The following LRRC4C variants were observed in gnomAD, a reference collection of about 807,000 sequenced individuals.
LRRC4C encodes leucine rich repeat containing 4C.
A neutral mutation model predicts 33.6 loss-of-function variants in LRRC4C; 5 were observed. The observed-to-expected ratio is 0.15, with a 90% CI of 0.08 to 0.31. The LOEUF (loss-of-function observed/expected upper bound fraction) is 0.31, where lower values mean the gene tolerates loss of function less well. Among genes scored for constraint, LRRC4C ranks in the 10% least tolerant of loss-of-function variants. The pLI, the probability that LRRC4C is intolerant of heterozygous loss-of-function variation, is 1.00. For missense variants in LRRC4C, 560 were observed against 796.7 expected (o/e 0.70, Z 3.58); for synonymous variants, 329 against 302.0 (o/e 1.09, Z -0.93).
chr11:40,826,763 T>C (rs1952186210), intron 2 of LRRC4C, among the ~76,000 whole-genome samples: 1 of 151,970 alleles, frequency 6.6e-6, no homozygotes, highest in African/African-American at 2.4e-5. Context: ...TCTCAGATAC[T>C]GTAAGGGACT....
At chr11:40,429,969 T>A (rs1590708629) in intron 3 of LRRC4C, among the ~76,000 whole-genome samples, 1 of 152,028 alleles carries the variant, frequency 6.6e-6, no homozygotes, top group Non-Finnish European at 1.5e-5. Context: ...CAAAGCGCAG[T>A]TATTATTCCA....
chr11:40,821,475 T>G (rs1457508114), intron 2 of LRRC4C, among the ~76,000 whole-genome samples: 1 of 151,546 alleles, frequency 6.6e-6, no homozygotes, highest in Non-Finnish European at 1.5e-5. Flanking sequence ...ATTTGAGATT[T>G]GAAAAGTAAA....
chr11:40,239,416 T>C lies in LRRC4C; in HGVS notation c.-96+2103A>G, dbSNP rs535275648. ...TGTTTGTTAAATTGAACTTAAAATA[T>C]GAAAAGAGGGGGAAATCTCACATGG... is the stretch of plus-strand genomic sequence containing the variant. On this transcript the variant is annotated intron_variant, in intron 5 of 6. Transcript: ENST00000528697. 2.7e-3 allele frequency among the ~76,000 whole-genome samples: 418 copies of C among 152,272 alleles called. 4 individuals are homozygous for C. Among genetic ancestry groups the C allele is most frequent in the Non-Finnish European group, 4.1e-3 (277 of 68,020 alleles).
At chr11:41,458,517 G>A (rs1956239244) in intron 1 of LRRC4C, among the ~76,000 whole-genome samples, 1 of 141,624 alleles carries the variant, frequency 7.1e-6, no homozygotes, top group Admixed American at 7.3e-5. Flanking sequence ...AATATTGTCT[G>A]CGTTTCACTT....
intron 3 of LRRC4C, among the ~76,000 whole-genome samples, chr11:40,644,931 A>C (rs1591359530): frequency 6.7e-6 from 1 of 148,798 alleles, no homozygotes; most frequent in Non-Finnish European, 1.5e-5. Context: ...GGGAACAGGC[A>C]CTCGGGATCT....
chr11:40,287,364 T>A (rs950953586), intron 4 of LRRC4C, among the ~76,000 whole-genome samples: 2 of 151,968 alleles, frequency 1.3e-5, no homozygotes, highest in African/African-American at 4.8e-5. Flanking sequence ...GCTTCTGGTA[T>A]ATATGTGCGT....
At position 41,436,893 on chromosome 11, in the gene LRRC4C, C is replaced by A. The variant is rs189888133; in HGVS notation, c.-496+22538G>T. 4.1e-3 allele frequency among the ~76,000 whole-genome samples: 623 copies of A among 152,202 alleles called. 2 individuals are homozygous for A. Among genetic ancestry groups the A allele is most frequent in the Admixed American group, 7.2e-3 (110 of 15,290 alleles). ...CCTACATTTAAGAAGGGGAAAGAAA[C>A]AATCACCAATATTTTTCCTACAATG... On this transcript the variant is annotated intron_variant, in intron 1 of 6. Coordinates refer to ENST00000528697, the MANE Select transcript of LRRC4C (RefSeq NM_001258419.2).
rs143765721 is a variant in LRRC4C, at chr11:40,170,850, A to G, written c.-95-29997T>C. Among the ~76,000 whole-genome samples the G allele has an allele frequency of 1.7e-4, 26 of 152,366 alleles. 1 individual carries two copies. In the East Asian group the frequency reaches 5.0e-3, roughly 29 times the overall value. ...CTTTACAATGCATTAGATCTAATCC[A>G]AAGAGAATGCCTGTGATTACAAACT... is the stretch of plus-strand genomic sequence containing the variant. On this transcript the variant is annotated intron_variant, in intron 5 of 6. Transcript: ENST00000528697.
intron 5 of LRRC4C, among the ~76,000 whole-genome samples, chr11:40,158,411 GA>G (rs1276744381): frequency 1.3e-5 from 2 of 151,838 alleles, no homozygotes; most frequent in Non-Finnish European, 2.9e-5. Flanking sequence ...ATAACTTAAG[GA>G]AAAAATTTTA....
At chr11:41,058,016 C>T (rs148492009) in intron 1 of LRRC4C, among the ~76,000 whole-genome samples, 2 of 152,316 alleles carry the variant, frequency 1.3e-5, no homozygotes, top group Admixed American at 1.3e-4. Flanking sequence ...TACTTGTCTG[C>T]GTACCTCATT....
intron 2 of LRRC4C, among the ~76,000 whole-genome samples, chr11:40,920,223 A>G (rs918001147): frequency 2.6e-5 from 4 of 152,188 alleles, no homozygotes; most frequent in African/African-American, 9.7e-5. Flanking sequence ...CTTATCAAAA[A>G]TAAAGACACC....
chr11:40,422,809 G>A (rs35320619), intron 3 of LRRC4C, among the ~76,000 whole-genome samples: 2 of 152,112 alleles, frequency 1.3e-5, no homozygotes, highest in African/African-American at 4.8e-5. Flanking sequence ...TTACACTTTG[G>A]AAAGTGATGA....
intron 1 of LRRC4C, among the ~76,000 whole-genome samples, chr11:41,108,605 T>A (rs957269445): frequency 1.3e-5 from 2 of 152,140 alleles, no homozygotes; most frequent in African/African-American, 4.8e-5. Context: ...TTCCATTAAT[T>A]TGTATATTGT....
intron 3 of LRRC4C, among the ~76,000 whole-genome samples, chr11:40,343,456 C>T (rs910869105): frequency 5.9e-5 from 9 of 151,832 alleles, no homozygotes; most frequent in Non-Finnish European, 1.2e-4. Flanking sequence ...TATTCAGTCA[C>T]CCATGTTATA....
chr11:40,930,682 A>T (rs893484340), intron 2 of LRRC4C, among the ~76,000 whole-genome samples: 1 of 152,170 alleles, frequency 6.6e-6, no homozygotes, highest in Non-Finnish European at 1.5e-5. Context: ...GATTTTTAAA[A>T]TATCACTACT....
rs1440453729 is a variant in LRRC4C at position 40,978,373 on chromosome 11, G to A, written c.-495-44650C>T. Among the ~76,000 whole-genome samples, 8 of 152,072 alleles carry A rather than the reference G, an allele frequency of 5.3e-5. No homozygotes were observed. In the South Asian group the frequency reaches 1.0e-3, roughly 20 times the overall value. Reference sequence around the variant, plus strand: ...GATTCATTCTTGACCCTACTCTCTGGTTCTTAACTGGAAGGAAATTTTACA... The same window carrying A: ...GATTCATTCTTGACCCTACTCTCTGATTCTTAACTGGAAGGAAATTTTACA... On this transcript the variant is annotated intron_variant, in intron 1 of 6. Transcript: ENST00000528697.
chr11:40,261,416 G>A (rs1413844474), intron 4 of LRRC4C, among the ~76,000 whole-genome samples: 3 of 152,114 alleles, frequency 2.0e-5, no homozygotes, highest in Admixed American at 6.6e-5. Flanking sequence ...CATTTGTTAA[G>A]GCCGATATAT....
chr11:40,848,280 C>T (rs980273895), intron 2 of LRRC4C, among the ~76,000 whole-genome samples: 4 of 152,124 alleles, frequency 2.6e-5, no homozygotes, highest in Non-Finnish European at 5.9e-5. Flanking sequence ...CTCCTGTGGG[C>T]ATTTAGTGCT....
intron 3 of LRRC4C, among the ~76,000 whole-genome samples, chr11:40,433,674 T>C (rs929030825): frequency 2.6e-5 from 4 of 152,224 alleles, no homozygotes; most frequent in African/African-American, 7.2e-5. Flanking sequence ...CATATATTCT[T>C]ACATATATGT....
Sources: allele counts gnomAD v4.1 joint callset (sites outside exome capture counted in the v4.1 genomes callset), GRCh38; gene constraint gnomAD v4.1.1; transcripts MANE v1.5; gene names NCBI Gene and HGNC (gene_info 2026-07-23, HGNC 2026-07-21).